HDAC9: variants seen among roughly 807,000 people sequenced by gnomAD.
HDAC9 encodes the protein histone deacetylase 9, also known as MEF-2 interacting transcription repressor (MITR) protein.
In HDAC9, 41 loss-of-function variants were observed where a neutral mutation model predicts 139.4. The ratio of observed to expected loss-of-function variants is 0.29; its 90% confidence interval spans 0.23 to 0.38. HDAC9 has a LOEUF of 0.38. HDAC9 is among the 10% of genes least tolerant of loss of function. HDAC9 has a pLI of 1.00. For synonymous variants in HDAC9, 517 were observed against 476.2 expected, an observed-to-expected ratio of 1.09 and a Z score of -1.12; for missense variants, 1,147 against 1,297.0, an observed-to-expected ratio of 0.88 and a Z score of 1.78.
chr7:18,362,056 G>A (rs547632960), intron 1 of HDAC9, among the ~76,000 whole-genome samples: 5 of 152,324 alleles, frequency 3.3e-5, no homozygotes, highest in Admixed American at 2.0e-4. Flanking sequence ...CAGAGGGGGA[G>A]CAAATGGAGC....
chr7:18,555,210 G>T (rs1026146073), intron 2 of HDAC9, among the ~76,000 whole-genome samples: 2 of 152,132 alleles, frequency 1.3e-5, no homozygotes, highest in African/African-American at 2.4e-5. Flanking sequence ...TTTGGCAGTA[G>T]GTATCAAGAG....
intron 12 of HDAC9, among the ~76,000 whole-genome samples, chr7:18,695,544 A>G (rs2129100549): frequency 1.3e-5 from 2 of 152,320 alleles, no homozygotes; most frequent in South Asian, 4.1e-4. Context: ...ACTTAGCAAG[A>G]AATCATTAAA....
chr7:18,486,510 A>G (rs559575047), intron 1 of HDAC9, among the ~76,000 whole-genome samples: 1 of 152,106 alleles, frequency 6.6e-6, no homozygotes, highest in Non-Finnish European at 1.5e-5. Flanking sequence ...AGAGTGTCTC[A>G]TCAATGTGTT....
intron 1 of HDAC9, among the ~76,000 whole-genome samples, chr7:18,148,601 C>T (rs535537525): frequency 6.4e-4 from 98 of 152,186 alleles, no homozygotes; most frequent in African/African-American, 1.9e-3. Context: ...GGATTACAGG[C>T]GCTCGCCACC....
chr7:18,896,172 A>T (rs1007739075), intron 22 of HDAC9, among the ~76,000 whole-genome samples: 8 of 152,110 alleles, frequency 5.3e-5, no homozygotes, highest in African/African-American at 1.9e-4. Context: ...ATTTTCCATT[A>T]GAGTCTTATT....
intron 2 of HDAC9, among the ~76,000 whole-genome samples, chr7:18,201,535 C>A (rs1332304358): frequency 1.3e-5 from 2 of 152,202 alleles, no homozygotes; most frequent in Admixed American, 1.3e-4. Flanking sequence ...CAGCCCTCAT[C>A]TGCAGGGCCC....
intron 16 of HDAC9, among the ~76,000 whole-genome samples, chr7:18,790,384 A>C (rs956158240): frequency 2.0e-5 from 3 of 150,902 alleles, no homozygotes; most frequent in African/African-American, 7.3e-5. Flanking sequence ...TTACATGAAG[A>C]GGAACTTTAG....
intron 25 of HDAC9, among the ~76,000 whole-genome samples, chr7:18,991,130 A>G (rs1785896736): frequency 6.6e-6 from 1 of 152,240 alleles, no homozygotes; most frequent in South Asian, 2.1e-4. Context: ...TCATACTTGT[A>G]AAGAGCACTG....
chr7:18,733,298 A>G (rs1196992623), intron 13 of HDAC9, among the ~76,000 whole-genome samples: 4 of 145,254 alleles, frequency 2.8e-5, no homozygotes, highest in African/African-American at 7.6e-5. Flanking sequence ...ATGTGTATAT[A>G]TGTGTATATA....
At chr7:18,094,532 G>C (rs890561972) in intron 1 of HDAC9, among the ~76,000 whole-genome samples, 7 of 150,616 alleles carry the variant, frequency 4.6e-5, no homozygotes, top group African/African-American at 1.7e-4. Flanking sequence ...CTAGGCTCAA[G>C]TGATCCTTCT....
intron 22 of HDAC9, among the ~76,000 whole-genome samples, chr7:18,909,627 G>A (rs900776502): frequency 6.6e-6 from 1 of 151,916 alleles, no homozygotes; most frequent in Admixed American, 6.6e-5. Flanking sequence ...AGTTTTCCCA[G>A]CACTATTTAT....
At chr7:18,108,611 CTTTTTTT>C (rs10708554) in intron 1 of HDAC9, among the ~76,000 whole-genome samples, 3 of 82,966 alleles carry the variant, frequency 3.6e-5, no homozygotes, top group South Asian at 4.3e-4. Context: ...CACTCATCTC[CTTTTTTT>C]TTTTTTTTTT....
chr7:18,641,660 C>T (rs1280799772), intron 8 of HDAC9, among the ~76,000 whole-genome samples: 1 of 152,080 alleles, frequency 6.6e-6, no homozygotes, highest in East Asian at 1.9e-4. Context: ...GGCATCATAG[C>T]AAAGCACTGA....
intron 1 of HDAC9, among the ~76,000 whole-genome samples, chr7:18,422,465 G>A (rs147834769): frequency 6.6e-6 from 1 of 152,064 alleles, no homozygotes; most frequent in Non-Finnish European, 1.5e-5. Flanking sequence ...ATACTTATAC[G>A]CATGCAGAAA....
In HDAC9 at chr7:18,592,071, C is replaced by G. The variant is rs535683138; in HGVS notation, c.542+429C>G. 3.0e-3 allele frequency among the ~76,000 whole-genome samples: 456 copies of G among 152,146 alleles called. 1 individual carries two copies. The highest frequency in any genetic ancestry group is 4.9e-3 in the Non-Finnish European group (333 of 67,998). On this transcript the variant is annotated intron_variant, in intron 5 of 25. Coordinates refer to ENST00000686413, the MANE Select transcript of HDAC9 (RefSeq NM_178425.4). ...TTTAGCAGATTGTGATTTTATTACA[C>G]TTGACTTGGTGTAAGATGGAGGTCA...
intron 1 of HDAC9, among the ~76,000 whole-genome samples, chr7:18,392,108 C>T (rs989710851): frequency 1.3e-5 from 2 of 152,066 alleles, no homozygotes; most frequent in South Asian, 2.1e-4. Context: ...TTTGTATTCT[C>T]ATTCTAGAAT....
chr7:18,846,831 C>T (rs1255091615), intron 21 of HDAC9, among the ~76,000 whole-genome samples: 1 of 152,144 alleles, frequency 6.6e-6, no homozygotes, highest in Non-Finnish European at 1.5e-5. Flanking sequence ...CACACAAATG[C>T]ACTGAATAGC....
rs1234623203 is a variant in HDAC9 at position 18,998,973 on chromosome 7, T to C, written c.*2911T>C. ...AAAAAACACAGACAGTTTTATTAAA[T>C]AGTAACCAAAATGGACTCAAATAAA... On this transcript the variant is annotated 3_prime_UTR_variant, in exon 26 of 26. Transcript: ENST00000686413. The C allele has an allele frequency of 3.3e-5, 5 of 152,204 alleles. No homozygotes were observed. 9.4% of individuals were successfully genotyped at this position (152,204 alleles called of 1,614,324 possible).
At chr7:18,563,037 T>C (rs967083680) in intron 2 of HDAC9, among the ~76,000 whole-genome samples, 5 of 152,108 alleles carry the variant, frequency 3.3e-5, no homozygotes, top group Non-Finnish European at 5.9e-5. Flanking sequence ...TTTATTTTGG[T>C]TGTATTTACT....
Sources: gnomAD v4.1 joint callset for allele counts (sites outside exome capture counted in the v4.1 genomes callset) on GRCh38, gnomAD v4.1.1 for gene constraint, MANE v1.5 for transcripts, NCBI Gene and HGNC (gene_info 2026-07-23, HGNC 2026-07-21) for gene names.